Variants in DENND4A observed in about 807,000 individuals in gnomAD.
DENND4A encodes the protein DENN domain containing 4A, also known as C-myc promoter-binding protein.
Under a neutral mutation model 199.3 loss-of-function variants are expected in DENND4A, and 70 were observed. That is an observed-to-expected ratio of 0.35 (90% CI 0.29 to 0.43). DENND4A has a LOEUF of 0.43. DENND4A is among the 20% of genes least tolerant of loss of function. DENND4A has a pLI of 1.00. For missense variants in DENND4A, 1,723 were observed against 2,255.8 expected (o/e 0.76, Z 4.78); for synonymous variants, 686 against 766.9 (o/e 0.89, Z 1.74).
At chr15:65,707,074 C>A (rs1370012746) in intron 14 of DENND4A, among the ~76,000 whole-genome samples, 2 of 151,886 alleles carry the variant, frequency 1.3e-5, no homozygotes, top group Non-Finnish European at 2.9e-5. Context: ...CTAAATATAA[C>A]AAATTTCCCT....
chr15:65,670,474 C>T (rs2076182577), intron 25 of DENND4A, among the ~76,000 whole-genome samples: 1 of 152,078 alleles, frequency 6.6e-6, no homozygotes, highest in African/African-American at 2.4e-5. Context: ...TAAACTCAAT[C>T]ACTAATTTGT....
intron 23 of DENND4A, among the ~76,000 whole-genome samples, chr15:65,678,725 T>G (rs1336191903): frequency 6.6e-6 from 1 of 152,228 alleles, no homozygotes; most frequent in Non-Finnish European, 1.5e-5. Flanking sequence ...AGTTTCACTG[T>G]GTCACCCAGG....
chr15:65,729,657 T>C lies in DENND4A; in HGVS notation c.1188A>G (p.Leu396=), dbSNP rs2140376429. The C allele has an allele frequency of 1.3e-6, 2 of 1,553,968 alleles. No individual in the cohort carries two copies. The highest frequency in any genetic ancestry group is 1.2e-5 in the South Asian group (1 of 83,680). The change falls in exon 10 of 33, where the codon CTA becomes CTG. Residue 396 remains leucine (L), a synonymous_variant. Transcript: ENST00000443035. ...CATTTTCAGGGCCTAAATTCTGCAG[T>C]AGTGTTGAAAACTTGCCACCACTGT... The part of the protein sequence containing the change: ...LPLSGGKFST[L]LQNLGPENAV...
At chr15:65,714,246 C>A (rs1313274056) in intron 14 of DENND4A, among the ~76,000 whole-genome samples, 1 of 151,780 alleles carries the variant, frequency 6.6e-6, no homozygotes, top group Non-Finnish European at 1.5e-5. Context: ...CCCATCTCTA[C>A]TAAAAAAATA....
At chr15:65,737,967 CA>C in intron 6 of DENND4A, 22 bp from the exon 7 acceptor site, 1 of 1,547,204 alleles carries the variant, frequency 6.5e-7, no homozygotes, top group Non-Finnish European at 8.7e-7. Flanking sequence ...GTAATATATC[CA>C]GTAAATATAC....
intron 21 of DENND4A, chr15:65,696,790 T>A: frequency 3.8e-6 from 1 of 265,626 alleles, no homozygotes; most frequent in South Asian, 4.9e-5. Context: ...GGGGTAAATA[T>A]AATCACAATC....
At chr15:65,695,144 A>G (rs1381332311) in intron 22 of DENND4A, among the ~76,000 whole-genome samples, 1 of 152,210 alleles carries the variant, frequency 6.6e-6, no homozygotes, top group East Asian at 1.9e-4. Flanking sequence ...GAAATGCAAA[A>G]TAAGAGTTAT....
Position 65,703,772 on chromosome 15 carries a change from T to G in DENND4A, c.2088-764A>C, listed in dbSNP as rs977205290. On this transcript the variant is annotated intron_variant, in intron 15 of 32. Transcript: ENST00000443035. ...GCCTGAGCCCAGGAATTCAAGGCTG[T>G]AGTGCACTACGGTTCTGCCAGTGAA... Among the ~76,000 whole-genome samples the G allele has an allele frequency of 2.6e-5, 4 of 152,216 alleles. No homozygotes were observed. The East Asian group carries it at 7.7e-4, about 29-fold the overall frequency.
chr15:65,733,139 T>G (rs896583929), intron 7 of DENND4A, among the ~76,000 whole-genome samples: 1 of 152,260 alleles, frequency 6.6e-6, no homozygotes, highest in Admixed American at 6.5e-5. Context: ...AGTAAATTCT[T>G]ACATTTACAA....
chr15:65,780,102 G>A (rs1213208128), intron 1 of DENND4A, among the ~76,000 whole-genome samples: 5 of 151,990 alleles, frequency 3.3e-5, no homozygotes, highest in Non-Finnish European at 2.9e-5. Flanking sequence ...GAAGGCAGAG[G>A]TATCAATAAT....
At chr15:65,771,618 A>C (rs929878432) in intron 1 of DENND4A, 9 of 1,612,458 alleles carry the variant, frequency 5.6e-6, no homozygotes, top group African/African-American at 1.3e-5. Context: ...CCACTATGTC[A>C]ATGCTGATGT....
intron 1 of DENND4A, among the ~76,000 whole-genome samples, chr15:65,775,000 T>C (rs1467629779): frequency 6.6e-6 from 1 of 151,726 alleles, no homozygotes. Context: ...GCCTCCCAAG[T>C]AGCCACCACA....
intron 1 of DENND4A, among the ~76,000 whole-genome samples, chr15:65,790,932 C>T (rs1211926106): frequency 6.6e-6 from 1 of 152,142 alleles, no homozygotes. Flanking sequence ...GGTGTCTCCA[C>T]CTCCTCCCCC....
chr15:65,725,694 A>ATAG (rs71447858), intron 11 of DENND4A, among the ~76,000 whole-genome samples: 1 of 151,264 alleles, frequency 6.6e-6, no homozygotes, highest in Non-Finnish European at 1.5e-5. Context: ...AAAAATAAAA[A>ATAG]AAATAAAAAA....
At chr15:65,691,618 C>T (rs1385390978) in intron 22 of DENND4A, 107 bp from the exon 23 acceptor site, 1 of 1,141,120 alleles carries the variant, frequency 8.8e-7, no homozygotes, top group East Asian at 2.6e-5. Context: ...CAAGCACTCA[C>T]TGAGTGTCTG....
At chr15:65,777,335 T>A (rs2077309204) in intron 1 of DENND4A, among the ~76,000 whole-genome samples, 1 of 152,056 alleles carries the variant, frequency 6.6e-6, no homozygotes, top group African/African-American at 2.4e-5. Flanking sequence ...TAAGCCAGCT[T>A]ACATTTTTTA....
chr15:65,754,316 T>G (rs2076645695), intron 3 of DENND4A, among the ~76,000 whole-genome samples: 2 of 152,184 alleles, frequency 1.3e-5, no homozygotes, highest in African/African-American at 2.4e-5. Flanking sequence ...TTTTGCTTTT[T>G]CTTAACTTAA....
intron 24 of DENND4A, among the ~76,000 whole-genome samples, chr15:65,673,539 GATGGGAAAAC>G (rs2076280159): frequency 6.7e-6 from 1 of 150,186 alleles, no homozygotes; most frequent in Admixed American, 6.6e-5. Flanking sequence ...AATAAGAGGG[GATGGGAAAAC>G]ATGTTAAACA....
intron 1 of DENND4A, among the ~76,000 whole-genome samples, chr15:65,779,020 T>G (rs980926495): frequency 5.9e-5 from 9 of 151,666 alleles, no homozygotes; most frequent in Non-Finnish European, 1.0e-4. Flanking sequence ...TTTCAGCCAC[T>G]CAGAAGGCAG....
Sources: gnomAD v4.1 joint callset for allele counts (sites outside exome capture counted in the v4.1 genomes callset) on GRCh38, gnomAD v4.1.1 for gene constraint, MANE v1.5 for transcripts, NCBI Gene and HGNC (gene_info 2026-07-23, HGNC 2026-07-21) for gene names.